CNTN3: variants seen among roughly 807,000 people sequenced by gnomAD.
The protein encoded by CNTN3 is contactin 3.
CNTN3 carries 60 observed loss-of-function variants against 119.1 expected under a neutral mutation model. That is an observed-to-expected ratio of 0.50 (90% confidence interval 0.41 to 0.62). CNTN3 has a LOEUF of 0.62. Among genes scored for constraint, CNTN3 ranks in the 20% least tolerant of loss-of-function variants. CNTN3 has a pLI of 0.00. For synonymous variants in CNTN3, 450 were observed against 438.7 expected, an observed-to-expected ratio of 1.03 and a Z score of -0.32; for missense variants, 1,101 against 1,242.4, an observed-to-expected ratio of 0.89 and a Z score of 1.71.
At chr3:74,497,256 G>T (rs1703082184) in intron 3 of CNTN3, among the ~76,000 whole-genome samples, 1 of 151,838 alleles carries the variant, frequency 6.6e-6, no homozygotes, top group Non-Finnish European at 1.5e-5. Context: ...GAATAGGCAA[G>T]CATATTTTAT....
chr3:74,438,990 G>T (rs966572940), intron 4 of CNTN3, among the ~76,000 whole-genome samples: 3 of 152,240 alleles, frequency 2.0e-5, no homozygotes, highest in African/African-American at 4.8e-5. Context: ...CTTAGTTCCA[G>T]AGTAATAGCA....
intron 11 of CNTN3, among the ~76,000 whole-genome samples, chr3:74,337,539 G>A (rs1703427167): frequency 6.6e-6 from 1 of 152,064 alleles, no homozygotes; most frequent in Non-Finnish European, 1.5e-5. Context: ...AAGGTGAAAT[G>A]CATGTCTTAC....
intron 1 of CNTN3, among the ~76,000 whole-genome samples, chr3:74,581,788 T>C (rs1355597376): frequency 6.6e-6 from 1 of 152,080 alleles, no homozygotes; most frequent in African/African-American, 2.4e-5. Flanking sequence ...GAATAAAGAG[T>C]TCAGAAAGAG....
chr3:74,447,330 C>T (rs1219837044), intron 4 of CNTN3, among the ~76,000 whole-genome samples: 2 of 152,118 alleles, frequency 1.3e-5, no homozygotes, highest in Non-Finnish European at 2.9e-5. Context: ...ATATCCTGAC[C>T]TTTTCTCTTC....
chr3:74,297,390 A>AG (rs1279755857), intron 18 of CNTN3, among the ~76,000 whole-genome samples: 1 of 151,818 alleles, frequency 6.6e-6, no homozygotes, highest in Admixed American at 6.6e-5. Context: ...AGAAGAAAAA[A>AG]AAAACAAAAC....
intron 20 of CNTN3, among the ~76,000 whole-genome samples, chr3:74,275,667 T>C (rs533719475): frequency 1.3e-5 from 2 of 152,136 alleles, no homozygotes; most frequent in South Asian, 4.2e-4. Flanking sequence ...CAGAACCTCT[T>C]TAAAGCATAA....
intron 7 of CNTN3, 87 bp from the exon 8 acceptor site, chr3:74,369,460 G>A (rs1704281034): frequency 4.6e-6 from 5 of 1,085,504 alleles, no homozygotes; most frequent in Non-Finnish European, 6.4e-6. Flanking sequence ...GAACAAGAAG[G>A]CACAGGATTT....
intron 5 of CNTN3, among the ~76,000 whole-genome samples, chr3:74,413,795 G>C (rs1267984844): frequency 1.3e-5 from 2 of 152,098 alleles, no homozygotes; most frequent in Admixed American, 6.6e-5. Context: ...AGTCCAACTT[G>C]CTCAATTTAA....
intron 7 of CNTN3, 89 bp from the exon 8 acceptor site, chr3:74,369,462 ACAGGATTTTAAATG>A (rs1256868490): frequency 5.5e-5 from 59 of 1,072,756 alleles, no homozygotes; most frequent in Non-Finnish European, 7.2e-5. Flanking sequence ...ACAAGAAGGC[ACAGGATTTTAAATG>A]CAGAAAACCA....
At chr3:74,371,471 C>T in intron 5 of CNTN3, 72 bp from the exon 6 acceptor site, 2 of 1,112,360 alleles carry the variant, frequency 1.8e-6, no homozygotes, top group Non-Finnish European at 1.3e-6. Flanking sequence ...CTTAATGTAT[C>T]TATACAAACA....
At chr3:74,431,588 G>A (rs1701783748) in intron 4 of CNTN3, among the ~76,000 whole-genome samples, 1 of 152,106 alleles carries the variant, frequency 6.6e-6, no homozygotes, top group East Asian at 1.9e-4. Flanking sequence ...ATATTATAGA[G>A]TATTCTAAAT....
chr3:74,455,082 G>C (rs1702241995), intron 4 of CNTN3, among the ~76,000 whole-genome samples: 1 of 152,044 alleles, frequency 6.6e-6, no homozygotes, highest in African/African-American at 2.4e-5. Context: ...AGTTCTCCTG[G>C]ATAATATCCT....
At chr3:74,488,178 T>A (rs981371592) in intron 3 of CNTN3, among the ~76,000 whole-genome samples, 1 of 151,912 alleles carries the variant, frequency 6.6e-6, no homozygotes, top group African/African-American at 2.4e-5. Flanking sequence ...GGTGGTGCGA[T>A]CTCAGCTCAC....
intron 5 of CNTN3, among the ~76,000 whole-genome samples, chr3:74,403,463 C>T (rs1705248859): frequency 6.6e-6 from 1 of 152,088 alleles, no homozygotes; most frequent in African/African-American, 2.4e-5. Context: ...AGGAATGAAA[C>T]CAGAACTCAG....
chr3:74,321,971 A>G (rs897256979), intron 13 of CNTN3, among the ~76,000 whole-genome samples: 1 of 152,152 alleles, frequency 6.6e-6, no homozygotes, highest in Non-Finnish European at 1.5e-5. Flanking sequence ...AGATCACCTG[A>G]GGTCAGAAGT....
At chr3:74,569,153 T>C (rs564844153) in intron 1 of CNTN3, among the ~76,000 whole-genome samples, 4 of 152,320 alleles carry the variant, frequency 2.6e-5, no homozygotes, top group Admixed American at 2.6e-4. Flanking sequence ...GCTCCCATTT[T>C]CTGTCTGCTC....
At chr3:74,544,770 T>C (rs1428997462) in intron 1 of CNTN3, among the ~76,000 whole-genome samples, 1 of 152,036 alleles carries the variant, frequency 6.6e-6, no homozygotes, top group Non-Finnish European at 1.5e-5. Context: ...GGCAATTTTT[T>C]TGTATTTTTA....
intron 13 of CNTN3, among the ~76,000 whole-genome samples, chr3:74,331,017 C>T (rs778058181): frequency 2.0e-5 from 3 of 152,208 alleles, no homozygotes; most frequent in Admixed American, 6.5e-5. Flanking sequence ...TGGTAAGCTA[C>T]GGTTAATTTA....
rs141095326 is a variant in CNTN3 at position 74,350,420 on chromosome 3, T to C, written c.1364+11470A>G. On this transcript the variant is annotated intron_variant, in intron 11 of 22. Transcript: ENST00000263665. ...ATGGCTATATTAGAAAGTCAAGACATAACAGATGTTGGTGAGGGTACACAG... is the reference window on the plus strand; with the variant it reads ...ATGGCTATATTAGAAAGTCAAGACACAACAGATGTTGGTGAGGGTACACAG... Among the ~76,000 whole-genome samples, 766 of 152,230 alleles carry C rather than the reference T, an allele frequency of 5.0e-3. 8 individuals are homozygous for C. The highest frequency in any genetic ancestry group is 0.016 in the African/African-American group (654 of 41,542).
Sources: gnomAD v4.1 joint callset for allele counts (sites outside exome capture counted in the v4.1 genomes callset) on GRCh38, gnomAD v4.1.1 for gene constraint, MANE v1.5 for transcripts, NCBI Gene and HGNC (gene_info 2026-07-23, HGNC 2026-07-21) for gene names.